NRCAM: variants seen among roughly 807,000 people sequenced by gnomAD.
NRCAM encodes the protein neuronal cell adhesion molecule.
A neutral mutation model predicts 156.5 loss-of-function variants in NRCAM; 83 were observed. The observed-to-expected ratio is 0.53, with a 90% CI of 0.44 to 0.64. The LOEUF (loss-of-function observed/expected upper bound fraction) is 0.64, where lower values mean the gene tolerates loss of function less well. Among genes scored for constraint, NRCAM ranks in the 30% least tolerant of loss-of-function variants. NRCAM has a pLI of 0.00. For missense variants in NRCAM, 1,417 were observed against 1,597.3 expected, an observed-to-expected ratio of 0.89 and a Z score of 1.92; for synonymous variants, 538 against 563.9, an observed-to-expected ratio of 0.95 and a Z score of 0.65.
Position 108,240,025 on chromosome 7 carries a change from C to T in NRCAM, c.40G>A (p.Ala14Thr). 1.2e-6 allele frequency: 2 copies of T among 1,613,352 alleles called. No homozygotes were observed. Among genetic ancestry groups the T allele is most frequent in the Middle Eastern group, 1.7e-4 (1 of 6,054 alleles). Residue 14 changes from alanine (A) to threonine (T), a missense_variant, in exon 4 of 33, where the codon GCG (alanine) becomes ACG (threonine). By Grantham distance (58) the Ala-to-Thr change is moderately conservative (BLOSUM62 0). Around this residue, in one of 2 missense-constraint regions of NRCAM, gnomAD observed 1,238 missense variants for 1,336.4 expected, o/e 0.93. Coordinates refer to ENST00000379028, the MANE Select transcript of NRCAM (RefSeq NM_001037132.4). ...KIMPKKKRLS[A>T]GRVPLILFLC... ...AAGAGAATCAGGGGCACTCTGCCCG[C>T]AGATAAGCGCTTCTTTTTCGGCATT...
intron 1 of NRCAM, among the ~76,000 whole-genome samples, chr7:108,406,104 TGACC>T (rs2099806714): frequency 6.6e-6 from 1 of 151,994 alleles, no homozygotes; most frequent in Non-Finnish European, 1.5e-5. Context: ...GGTAAGGGTG[TGACC>T]ATGGTAAATA....
intron 11 of NRCAM, among the ~76,000 whole-genome samples, chr7:108,215,010 T>G (rs1254984923): frequency 6.6e-6 from 1 of 152,138 alleles, no homozygotes; most frequent in Non-Finnish European, 1.5e-5. Flanking sequence ...GTGTTTTACT[T>G]CCAATTATGT....
At chr7:108,207,292 C>T (rs907760531) in intron 13 of NRCAM, 46 of 336,218 alleles carry the variant, frequency 1.4e-4, no homozygotes, top group Admixed American at 7.5e-4. Flanking sequence ...AAAAAGCAGA[C>T]GAAATATTGC....
intron 3 of NRCAM, among the ~76,000 whole-genome samples, chr7:108,308,920 A>C (rs1009135072): frequency 6.6e-6 from 1 of 152,242 alleles, no homozygotes; most frequent in Non-Finnish European, 1.5e-5. Flanking sequence ...CTCAGAGATA[A>C]ATATCAGGAA....
At chr7:108,192,454 G>A (rs1418372962) in intron 17 of NRCAM, among the ~76,000 whole-genome samples, 1 of 152,020 alleles carries the variant, frequency 6.6e-6, no homozygotes, top group African/African-American at 2.4e-5. Context: ...TAAATGTAAT[G>A]TGCTTGAATC....
intron 1 of NRCAM, among the ~76,000 whole-genome samples, chr7:108,444,156 T>G (rs974307179): frequency 2.6e-5 from 4 of 152,208 alleles, no homozygotes; most frequent in Admixed American, 2.6e-4. Flanking sequence ...TACATAGCAT[T>G]TACATTGTAA....
intron 11 of NRCAM, among the ~76,000 whole-genome samples, chr7:108,220,143 C>T (rs2091650167): frequency 6.6e-6 from 1 of 151,336 alleles, no homozygotes; most frequent in African/African-American, 2.4e-5. Context: ...TATACCTAAC[C>T]AAGGAGGCAA....
chr7:108,182,505 C>T lies in NRCAM; in HGVS notation c.2530+190G>A, dbSNP rs148663249. Among the ~76,000 whole-genome samples, 428 of 152,338 alleles carry T rather than the reference C, an allele frequency of 2.8e-3. 1 individual carries two copies. The highest frequency in any genetic ancestry group is 9.9e-3 in the African/African-American group (413 of 41,578). ...CCAATCCCCTGTGGATACCAAGGGA[C>T]AACTATACTGCAATCACCTTGAACG... On this transcript the variant is annotated intron_variant, in intron 23 of 32. Transcript: ENST00000379028.
At chr7:108,315,013 C>G (rs185025981) in intron 2 of NRCAM, among the ~76,000 whole-genome samples, 5 of 151,754 alleles carry the variant, frequency 3.3e-5, no homozygotes, top group East Asian at 1.9e-4. Context: ...CCCCACCCCC[C>G]CAACAACCCA....
chr7:108,264,291 A>G (rs762810527), intron 3 of NRCAM, among the ~76,000 whole-genome samples: 2 of 152,062 alleles, frequency 1.3e-5, no homozygotes, highest in Non-Finnish European at 2.9e-5. Context: ...CTTCTTTTCT[A>G]CTTCCTGTGT....
chr7:108,184,248 G>A lies in NRCAM; in HGVS notation c.2297C>T (p.Thr766Met), dbSNP rs775849144. 9.3e-6 allele frequency: 15 copies of A among 1,613,480 alleles called. No individual in the cohort carries two copies. The Admixed American group carries it at 1.0e-4, about 11-fold the overall frequency. The change falls in exon 22 of 33, where the codon ACG becomes ATG. Residue 766 changes from threonine to methionine, a missense_variant. Thr to Met is a moderately conservative substitution (Grantham distance 81). Transcript: ENST00000379028. ...LGSEPDNLVI[T>M]WKPLNGFESN... is the part of the protein sequence containing the mutation. ...GAAGGCATCATAGCTCACCTTCCAC[G>A]TAATCACCAAATTATCAGGCTCTGA...
intron 4 of NRCAM, among the ~76,000 whole-genome samples, chr7:108,238,442 T>C (rs1395001562): frequency 6.6e-6 from 1 of 152,156 alleles, no homozygotes; most frequent in Non-Finnish European, 1.5e-5. Flanking sequence ...TACATTAGCA[T>C]GCAATTCAAA....
At chr7:108,434,593 A>T (rs1829860386) in intron 1 of NRCAM, among the ~76,000 whole-genome samples, 1 of 151,426 alleles carries the variant, frequency 6.6e-6, no homozygotes. Context: ...ACAAGAGAGG[A>T]CAGCTGAATG....
chr7:108,271,048 A>C (rs2097326509), intron 3 of NRCAM, among the ~76,000 whole-genome samples: 1 of 152,160 alleles, frequency 6.6e-6, no homozygotes, highest in African/African-American at 2.4e-5. Flanking sequence ...TCTGGTTTTC[A>C]TTAGAAAACC....
intron 2 of NRCAM, among the ~76,000 whole-genome samples, chr7:108,316,252 T>G (rs549183158): frequency 6.6e-6 from 1 of 152,178 alleles, no homozygotes; most frequent in Non-Finnish European, 1.5e-5. Flanking sequence ...TCATGTACAC[T>G]CTATCTTGCC....
At chr7:108,423,758 C>T (rs1180002430) in intron 1 of NRCAM, among the ~76,000 whole-genome samples, 1 of 152,252 alleles carries the variant, frequency 6.6e-6, no homozygotes, top group Non-Finnish European at 1.5e-5. Context: ...TCGGTGTCAT[C>T]ACCAAGAACC....
intron 2 of NRCAM, among the ~76,000 whole-genome samples, chr7:108,392,627 C>T (rs2099764026): frequency 6.6e-6 from 1 of 152,156 alleles, no homozygotes; most frequent in Admixed American, 6.5e-5. Context: ...AGCTGTGTTC[C>T]TTTGGAGAAG....
chr7:108,268,636 T>TGGAGG (rs2097206534), intron 3 of NRCAM, among the ~76,000 whole-genome samples: 1 of 8,492 alleles, frequency 1.2e-4, no homozygotes, highest in Non-Finnish European at 2.2e-4. Context: ...GGGGGGGGGT[T>TGGAGG]GGGGGGGGCG....
intron 3 of NRCAM, among the ~76,000 whole-genome samples, chr7:108,304,566 C>T (rs1055644793): frequency 9.2e-5 from 14 of 152,086 alleles, no homozygotes; most frequent in African/African-American, 1.7e-4. Context: ...ATAAAGATGG[C>T]CACCAGACAG....
Sources: allele counts gnomAD v4.1 joint callset (sites outside exome capture counted in the v4.1 genomes callset), GRCh38; gene constraint gnomAD v4.1.1; regional missense constraint gnomAD v4.1.1; transcripts MANE v1.5; gene names NCBI Gene and HGNC (gene_info 2026-07-23, HGNC 2026-07-21).